Variants in PSD3 observed in about 807,000 individuals in gnomAD.
The protein encoded by PSD3 is PH and SEC7 domain-containing protein 3.
Under a neutral mutation model 105.5 loss-of-function variants are expected in PSD3, and 49 were observed. The observed-to-expected ratio is 0.46, with a 90% confidence interval of 0.37 to 0.59. The LOEUF (loss-of-function observed/expected upper bound fraction) is 0.59. Ranked by LOEUF, PSD3 falls within the 20% of genes least tolerant of loss-of-function variation. The probability of loss-of-function intolerance (pLI) is 0.00; values close to 1 mark genes in which losing one functional copy is unlikely to be tolerated. For missense variants in PSD3, 1,561 were observed against 1,263.8 expected, an observed-to-expected ratio of 1.24 and a Z score of -3.57; for synonymous variants, 557 against 457.8, an observed-to-expected ratio of 1.22 and a Z score of -2.77.
intron 11 of PSD3, among the ~76,000 whole-genome samples, chr8:18,608,439 A>G (rs536224739): frequency 1.3e-5 from 2 of 152,286 alleles, no homozygotes; most frequent in South Asian, 2.1e-4. Context: ...TCTGAGTCAA[A>G]CTCACATACA....
intron 2 of PSD3, among the ~76,000 whole-genome samples, chr8:18,906,888 G>A (rs567245555): frequency 6.6e-6 from 1 of 152,236 alleles, no homozygotes; most frequent in Non-Finnish European, 1.5e-5. Context: ...TAGTGACATC[G>A]TGAAAATCCT....
intron 9 of PSD3, among the ~76,000 whole-genome samples, chr8:18,672,860 G>A (rs894641607): frequency 2.0e-5 from 3 of 151,928 alleles, no homozygotes; most frequent in Non-Finnish European, 4.4e-5. Context: ...TCCATTACCT[G>A]GCATTTGTTA....
chr8:18,674,309 C>T (rs556098216), intron 9 of PSD3, among the ~76,000 whole-genome samples: 2 of 152,304 alleles, frequency 1.3e-5, no homozygotes, highest in South Asian at 2.1e-4. Context: ...GCCTTCCCTG[C>T]GTTCTGTGGG....
intron 15 of PSD3, among the ~76,000 whole-genome samples, chr8:18,549,508 C>G (rs1585218542): frequency 6.6e-6 from 1 of 152,248 alleles, no homozygotes; most frequent in Middle Eastern, 3.4e-3. Context: ...CACGCCTGGC[C>G]CTATTCTCAG....
At chr8:18,847,908 G>C (rs1586212161) in intron 4 of PSD3, among the ~76,000 whole-genome samples, 2 of 152,146 alleles carry the variant, frequency 1.3e-5, no homozygotes, top group South Asian at 4.1e-4. Flanking sequence ...TAGGATGTGG[G>C]CTGCAGAAAC....
chr8:18,838,659 G>T (rs1436537271), intron 4 of PSD3, among the ~76,000 whole-genome samples: 4 of 151,618 alleles, frequency 2.6e-5, no homozygotes, highest in Admixed American at 2.6e-4. Context: ...AAATTAGCCG[G>T]GCGTGGTGGC....
At chr8:18,605,246 G>A (rs73211800) in intron 11 of PSD3, among the ~76,000 whole-genome samples, 12,622 of 152,224 alleles carry the variant, frequency 0.083, 577 homozygotes, top group African/African-American at 0.11. Context: ...GCTGTCCAAT[G>A]CTGTGGGAGC....
intron 8 of PSD3, among the ~76,000 whole-genome samples, chr8:18,783,466 C>T (rs1350845861): frequency 6.6e-6 from 1 of 152,090 alleles, no homozygotes; most frequent in Non-Finnish European, 1.5e-5. Flanking sequence ...TTCATCTTTG[C>T]TCTGATTATT....
At chr8:18,871,487 C>A in intron 3 of PSD3, 139 bp downstream of exon 3, 1 of 1,112,814 alleles carries the variant, frequency 9.0e-7, no homozygotes, top group South Asian at 1.7e-5. Context: ...AAGGACCTAG[C>A]TCACAGTAAC....
At chr8:18,668,046 G>T (rs961823786) in intron 9 of PSD3, among the ~76,000 whole-genome samples, 1 of 152,188 alleles carries the variant, frequency 6.6e-6, no homozygotes, top group Non-Finnish European at 1.5e-5. Context: ...CGCAACCCGG[G>T]TTCCCGCCCA....
intron 1 of PSD3, among the ~76,000 whole-genome samples, chr8:19,068,506 G>C (rs1191260528): frequency 6.6e-6 from 1 of 152,076 alleles, no homozygotes; most frequent in Non-Finnish European, 1.5e-5. Flanking sequence ...GTCTAAGCTG[G>C]TCTTGAAGTC....
intron 9 of PSD3, among the ~76,000 whole-genome samples, chr8:18,761,847 C>G (rs1334883729): frequency 5.9e-5 from 9 of 152,154 alleles, no homozygotes; most frequent in African/African-American, 1.4e-4. Context: ...CAGGGTTAAT[C>G]AGAAACTTGT....
intron 6 of PSD3, chr8:18,802,444 T>C (rs367591349): frequency 4.7e-5 from 13 of 275,790 alleles, no homozygotes; most frequent in African/African-American, 2.4e-4. Flanking sequence ...CTCATTTCTA[T>C]GAAAATTTTG....
At chr8:18,755,651 C>G (rs1180336033) in intron 9 of PSD3, among the ~76,000 whole-genome samples, 3 of 152,204 alleles carry the variant, frequency 2.0e-5, no homozygotes, top group Non-Finnish European at 4.4e-5. Flanking sequence ...ACCACCACCA[C>G]TCAAACTTTT....
intron 8 of PSD3, among the ~76,000 whole-genome samples, chr8:18,795,093 T>C (rs1446541407): frequency 6.6e-6 from 1 of 152,140 alleles, no homozygotes. Context: ...GAACTCCACA[T>C]TTTTTTAACA....
At chr8:18,709,965 C>G (rs1802150022) in intron 9 of PSD3, among the ~76,000 whole-genome samples, 1 of 152,190 alleles carries the variant, frequency 6.6e-6, no homozygotes, top group Admixed American at 6.5e-5. Flanking sequence ...ACCTCTCCAG[C>G]AAGGGCACAG....
intron 12 of PSD3, among the ~76,000 whole-genome samples, chr8:18,589,379 A>T (rs924804058): frequency 1.4e-4 from 21 of 152,122 alleles, no homozygotes; most frequent in African/African-American, 5.1e-4. Flanking sequence ...TTACTTTGTG[A>T]TCTTTGGGTT....
chr8:18,885,287 A>G (rs529376423), intron 2 of PSD3, among the ~76,000 whole-genome samples: 15 of 152,206 alleles, frequency 9.9e-5, no homozygotes, highest in Non-Finnish European at 1.6e-4. Context: ...CTTTAGTTTT[A>G]ATTTTATTTT....
chr8:18,822,692 T>C (rs778576620), intron 4 of PSD3, among the ~76,000 whole-genome samples: 5 of 152,182 alleles, frequency 3.3e-5, no homozygotes, highest in Non-Finnish European at 7.3e-5. Flanking sequence ...ATATCAGAGA[T>C]GAACTCAGAA....
Sources: allele counts gnomAD v4.1 joint callset (sites outside exome capture counted in the v4.1 genomes callset), GRCh38; gene constraint gnomAD v4.1.1; transcripts MANE v1.5; gene names NCBI Gene and HGNC (gene_info 2026-07-23, HGNC 2026-07-21).